FGD6: variants seen among roughly 807,000 people sequenced by gnomAD.
The protein encoded by FGD6 is FYVE, RhoGEF and PH domain containing 6.
In FGD6, 90 loss-of-function variants were observed where a neutral mutation model predicts 149.4. The ratio of observed to expected loss-of-function variants is 0.60; its 90% CI spans 0.51 to 0.72. The LOEUF (loss-of-function observed/expected upper bound fraction) is 0.72. Among genes scored for constraint, FGD6 ranks in the 30% least tolerant of loss-of-function variants. The pLI, the probability that FGD6 is intolerant of heterozygous loss-of-function variation, is 0.00. For missense variants in FGD6, 1,437 were observed against 1,684.8 expected, an observed-to-expected ratio of 0.85 and a Z score of 2.57; for synonymous variants, 527 against 584.0, an observed-to-expected ratio of 0.90 and a Z score of 1.41.
At chr12:95,213,549 C>T (rs761837703) in intron 1 of FGD6, among the ~76,000 whole-genome samples, 6 of 152,122 alleles carry the variant, frequency 3.9e-5, no homozygotes, top group Non-Finnish European at 7.4e-5. Flanking sequence ...GCTATTTTAC[C>T]ACAGTTGGAA....
chr12:95,148,676 T>C (rs1335280461), intron 5 of FGD6, among the ~76,000 whole-genome samples: 7 of 112,210 alleles, frequency 6.2e-5, no homozygotes, highest in South Asian at 2.6e-4. Flanking sequence ...ACATAGCATA[T>C]GTTATATTAT....
chr12:95,135,079 AC>A (rs1463332030), intron 7 of FGD6, among the ~76,000 whole-genome samples: 1 of 151,934 alleles, frequency 6.6e-6, no homozygotes. Context: ...CTTGTTAACA[AC>A]CCTCTCAAAG....
chr12:95,096,456 A>G (rs1429334069), intron 14 of FGD6, among the ~76,000 whole-genome samples: 3 of 152,238 alleles, frequency 2.0e-5, no homozygotes, highest in Non-Finnish European at 4.4e-5. Flanking sequence ...TACAAAGAAC[A>G]GCAAAAAAGA....
At chr12:95,087,998 C>T (rs117814184) in intron 18 of FGD6, among the ~76,000 whole-genome samples, 7,185 of 152,192 alleles carry the variant, frequency 0.047, 252 homozygotes, top group East Asian at 0.15. Context: ...AATATAGTTA[C>T]ATTGGAATCC....
intron 3 of FGD6, among the ~76,000 whole-genome samples, chr12:95,157,727 C>T (rs1200851848): frequency 6.6e-6 from 1 of 152,128 alleles, no homozygotes; most frequent in East Asian, 1.9e-4. Context: ...TACCTTAGCT[C>T]TCAAACTCTA....
intron 13 of FGD6, among the ~76,000 whole-genome samples, chr12:95,105,380 C>T: frequency 6.6e-6 from 1 of 152,188 alleles, no homozygotes; most frequent in East Asian, 1.9e-4. Context: ...TCCACTGGCT[C>T]TTCCTCCTCT....
chr12:95,209,480 T>A lies in FGD6; in HGVS notation c.1804A>T (p.Arg602Ter). 1 of 1,612,320 alleles carries A rather than the reference T, an allele frequency of 6.2e-7. No homozygotes were observed. The highest frequency in any genetic ancestry group is 1.1e-5 in the South Asian group (1 of 90,626). ...SEPSTALTKP[R>*]AKSLSAMDVE... Reference sequence around the variant, plus strand: ...TCCATAGCAGATAACGATTTTGCTCTGGGCTTGGTTAGGGCTGTTGAAGGC... The same window carrying A: ...TCCATAGCAGATAACGATTTTGCTCAGGGCTTGGTTAGGGCTGTTGAAGGC... Residue 602 changes from arginine (R) to a stop codon, truncating the protein, a stop_gained, in exon 2 of 21, where the codon AGA becomes TGA. Transcript: ENST00000343958. LOFTEE classifies it high-confidence loss of function.
At chr12:95,087,359 T>C (rs977800805) in intron 18 of FGD6, among the ~76,000 whole-genome samples, 1 of 152,142 alleles carries the variant, frequency 6.6e-6, no homozygotes, top group African/African-American at 2.4e-5. Context: ...GGTGATAGGA[T>C]GTCACTCCCA....
intron 3 of FGD6, among the ~76,000 whole-genome samples, chr12:95,169,642 C>T (rs1880931482): frequency 6.6e-6 from 1 of 152,066 alleles, no homozygotes. Flanking sequence ...TCAGTGAGAT[C>T]CCTGATAGAA....
chr12:95,177,083 C>T (rs1418213339), intron 2 of FGD6, among the ~76,000 whole-genome samples: 1 of 152,188 alleles, frequency 6.6e-6, no homozygotes, highest in Admixed American at 6.5e-5. Flanking sequence ...CTGCCTCAGC[C>T]TCCCAAAATG....
At chr12:95,140,602 A>G (rs1038774864) in intron 6 of FGD6, among the ~76,000 whole-genome samples, 1 of 152,070 alleles carries the variant, frequency 6.6e-6, no homozygotes, top group African/African-American at 2.4e-5. Context: ...GGGCAACAAG[A>G]GTGAAACTCC....
intron 3 of FGD6, among the ~76,000 whole-genome samples, chr12:95,158,815 A>G (rs1430868692): frequency 1.3e-5 from 2 of 152,058 alleles, no homozygotes; most frequent in Non-Finnish European, 2.9e-5. Flanking sequence ...TGAGCCCAGG[A>G]GTTTGAGACC....
intron 5 of FGD6, 147 bp downstream of exon 5, chr12:95,152,664 T>G (rs1448836762): frequency 2.8e-6 from 2 of 721,432 alleles, no homozygotes; most frequent in Non-Finnish European, 4.6e-6. Flanking sequence ...TAAGACTCTT[T>G]CAGAAATCAT....
At chr12:95,145,738 G>A (rs544414919) in intron 5 of FGD6, among the ~76,000 whole-genome samples, 41 of 151,876 alleles carry the variant, frequency 2.7e-4, no homozygotes, top group African/African-American at 3.1e-4. Context: ...AGTGTGGTAC[G>A]ATCTCGGCTC....
Position 95,080,718 on chromosome 12 carries a change from T to C in FGD6, c.*802A>G, listed in dbSNP as rs1261234600. On this transcript the variant is annotated 3_prime_UTR_variant, in exon 21 of 21. Coordinates refer to ENST00000343958, the MANE Select transcript of FGD6 (RefSeq NM_018351.4). ...ATTATGTGACATAATGCTTGCTATA[T>C]TTTGCTATTTTAAAAAATGATACAT... 6.6e-6 allele frequency: 1 copy of C among 152,188 alleles called. No homozygotes were observed. Among genetic ancestry groups the C allele is most frequent in the Non-Finnish European group, 1.5e-5 (1 of 68,030 alleles). The allele number at this position is 152,188 out of a possible 1,614,324, so 9.4% of individuals were successfully genotyped here. A position where few individuals can be genotyped will look rare whatever the true frequency, so the allele number is the denominator to read the frequency against.
intron 8 of FGD6, among the ~76,000 whole-genome samples, chr12:95,123,933 GA>G (rs1323938450): frequency 1.3e-4 from 20 of 150,154 alleles, no homozygotes; most frequent in African/African-American, 4.7e-4. Flanking sequence ...TTCTTTTTTG[GA>G]GACAGGGTTT....
At chr12:95,088,538 T>C (rs1877949563) in intron 18 of FGD6, among the ~76,000 whole-genome samples, 1 of 152,148 alleles carries the variant, frequency 6.6e-6, no homozygotes, top group Non-Finnish European at 1.5e-5. Context: ...CTCAAAAAGT[T>C]AAACATAGAA....
chr12:95,209,242 TCTC>T lies in FGD6; in HGVS notation c.2039_2041del (p.Gly680del), dbSNP rs768643111. ...CTTGATGGGTTTACTTCTCTTCTCCTCTCCTACCAACAAGCCTTGCCAATCACT... is the reference window on the plus strand; with the variant it reads ...CTTGATGGGTTTACTTCTCTTCTCCTCTACCAACAAGCCTTGCCAATCACT... On this transcript the variant is annotated inframe_deletion, in exon 2 of 21. Coordinates refer to ENST00000343958, the MANE Select transcript of FGD6 (RefSeq NM_018351.4). 6.2e-6 allele frequency: 10 copies of T among 1,613,988 alleles called. No homozygotes were observed. The East Asian group carries it at 2.2e-4, about 36-fold the overall frequency.
At chr12:95,186,983 C>T (rs1251950708) in intron 2 of FGD6, among the ~76,000 whole-genome samples, 1 of 152,120 alleles carries the variant, frequency 6.6e-6, no homozygotes, top group African/African-American at 2.4e-5. Flanking sequence ...ACAGAAAGCT[C>T]GTTTGCTCAC....
Sources: allele counts gnomAD v4.1 joint callset (sites outside exome capture counted in the v4.1 genomes callset), GRCh38; gene constraint gnomAD v4.1.1; transcripts MANE v1.5; gene names NCBI Gene and HGNC (gene_info 2026-07-23, HGNC 2026-07-21).